BAZ2B: variants seen among roughly 807,000 people sequenced by gnomAD.
BAZ2B encodes bromodomain adjacent to zinc finger domain 2B, also known as bromodomain adjacent to zinc finger domain protein 2B.
Under a neutral mutation model 246.0 loss-of-function variants are expected in BAZ2B, and 91 were observed. The observed-to-expected ratio is 0.37, with a 90% confidence interval of 0.31 to 0.44. The LOEUF is 0.44. Among genes scored for constraint, BAZ2B ranks in the 20% least tolerant of loss-of-function variants. The probability of loss-of-function intolerance (pLI) is 1.00; values close to 1 mark genes in which losing one functional copy is unlikely to be tolerated. For synonymous variants in BAZ2B, 855 were observed against 860.0 expected (o/e 0.99, Z 0.10); for missense variants, 2,332 against 2,533.7 (o/e 0.92, Z 1.71).
intron 13 of BAZ2B, among the ~76,000 whole-genome samples, chr2:159,423,412 C>T (rs114439870): frequency 0.019 from 2,871 of 152,250 alleles, 45 homozygotes; most frequent in Middle Eastern, 0.071. Flanking sequence ...TTATACACTG[C>T]TAGTAGGAAT....
At chr2:159,568,638 T>TTGCCTGGATTGACAG (rs1310689714) in intron 1 of BAZ2B, among the ~76,000 whole-genome samples, 20 of 152,286 alleles carry the variant, frequency 1.3e-4, no homozygotes, top group African/African-American at 4.6e-4. Flanking sequence ...GCTAAGATGG[T>TTGCCTGGATTGACAG]TGCCTGGATT....
chr2:159,404,363 C>T (rs2065565382), intron 16 of BAZ2B: 2 of 147,164 alleles, frequency 1.4e-5, no homozygotes, highest in South Asian at 2.2e-4. Flanking sequence ...TAAAATAATG[C>T]TGTCATCATT....
chr2:159,316,049 G>A (rs139165285), downstream of BAZ2B, among the ~76,000 whole-genome samples: 154 of 152,126 alleles, frequency 1.0e-3, 1 homozygote, highest in African/African-American at 3.5e-3. Context: ...GTGTACATAC[G>A]TATTTTTCAT....
rs115339292 is a variant in BAZ2B, at chr2:159,450,017, T to G, written c.335-1608A>C. Among the ~76,000 whole-genome samples, 629 of 152,112 alleles carry G rather than the reference T, an allele frequency of 4.1e-3. 5 individuals are homozygous for G. The highest frequency in any genetic ancestry group is 0.014 in the African/African-American group (601 of 41,516). ...AGAGACCCTGTTGCTATAAAAAATT[T>G]TAAAAAGCAGGGAGGGACTGAGGTT... On this transcript the variant is annotated intron_variant, in intron 4 of 36. Transcript: ENST00000392783.
chr2:159,469,888 T>C (rs1446892947), intron 3 of BAZ2B, among the ~76,000 whole-genome samples: 1 of 152,206 alleles, frequency 6.6e-6, no homozygotes, highest in Non-Finnish European at 1.5e-5. Flanking sequence ...AATATCATTA[T>C]ATATTCTTTG....
chr2:159,580,255 A>G (rs1686415320), intron 1 of BAZ2B, among the ~76,000 whole-genome samples: 2 of 152,232 alleles, frequency 1.3e-5, no homozygotes, highest in African/African-American at 4.8e-5. Flanking sequence ...AAAAATCACA[A>G]GCATTCCTAT....
Position 159,433,000 on chromosome 2 carries a change from G to C in BAZ2B, c.1657C>G (p.Pro553Ala), listed in dbSNP as rs765853396. ...CTATGCAGGATGGGAGAGGCAGAGG[G>C]CATTACAGGTGTCTGATTGCCAGGG... Reference protein sequence around the residue: ...RTPGNQTPVMPSASPILHSQG... With the variant: ...RTPGNQTPVMASASPILHSQG... The change falls in exon 9 of 37, where the codon CCC (proline) becomes GCC (alanine). Residue 553 changes from proline to alanine, a missense_variant. This residue lies in a region of BAZ2B where 651 missense variants were observed against 650.9 expected (regional missense o/e 1.00). Coordinates refer to ENST00000392783, the MANE Select transcript of BAZ2B (RefSeq NM_013450.4). The C allele has an allele frequency of 1.2e-6, 2 of 1,614,038 alleles. No individual in the cohort carries two copies. Among genetic ancestry groups the C allele is most frequent in the African/African-American group, 2.7e-5 (2 of 74,918 alleles).
chr2:159,327,975 GAATCACTT>G (rs1171964461), intron 34 of BAZ2B, among the ~76,000 whole-genome samples: 1 of 143,372 alleles, frequency 7.0e-6, no homozygotes, highest in Non-Finnish European at 1.5e-5. Context: ...TGAGGCACAA[GAATCACTT>G]GAACCTAGGA....
In BAZ2B at chr2:159,348,853, T is replaced by C. The variant is rs776333914; in HGVS notation, c.5138-20A>G. ...GCATTTCTAAGTCAAGATAAATAAG[T>C]AGAACTTTTACAAATATTTTGAATA... is the stretch of plus-strand genomic sequence containing the variant. On this transcript the variant is annotated intron_variant, in intron 29 of 36. Coordinates refer to ENST00000392783, the MANE Select transcript of BAZ2B (RefSeq NM_013450.4). 2 of 1,578,776 alleles carry C rather than the reference T, an allele frequency of 1.3e-6. No individual in the cohort carries two copies. The highest frequency in any genetic ancestry group is 1.7e-6 in the Non-Finnish European group (2 of 1,169,924).
intron 13 of BAZ2B, among the ~76,000 whole-genome samples, chr2:159,414,140 G>A (rs779924772): frequency 7.2e-5 from 11 of 152,314 alleles, no homozygotes; most frequent in African/African-American, 2.4e-4. Flanking sequence ...AGAATATCAC[G>A]TTAAGTGAAA....
intron 2 of BAZ2B, among the ~76,000 whole-genome samples, chr2:159,493,423 T>C (rs964464404): frequency 2.0e-5 from 3 of 152,230 alleles, no homozygotes; most frequent in African/African-American, 4.8e-5. Context: ...TCATACTGAG[T>C]AACTCGACTA....
intron 25 of BAZ2B, 138 bp from the exon 26 acceptor site, chr2:159,374,891 G>T: frequency 2.9e-6 from 2 of 686,608 alleles, no homozygotes; most frequent in South Asian, 3.9e-5. Flanking sequence ...TAATAATCTG[G>T]TAGAGAGATA....
chr2:159,405,278 C>T (rs568221586), intron 14 of BAZ2B, among the ~76,000 whole-genome samples, 164 bp from the exon 15 acceptor site: 14 of 152,104 alleles, frequency 9.2e-5, no homozygotes, highest in African/African-American at 3.4e-4. Context: ...GTGGTGCGAT[C>T]GCGGCTCACT....
intron 1 of BAZ2B, among the ~76,000 whole-genome samples, chr2:159,561,466 T>C (rs1313362780): frequency 6.6e-6 from 1 of 152,230 alleles, no homozygotes; most frequent in African/African-American, 2.4e-5. Context: ...CTCTTTTCTT[T>C]ATAAACTACA....
At chr2:159,708,332 A>G in the BAZ2B span, among the ~76,000 whole-genome samples, 1 of 152,152 alleles carries the variant, frequency 6.6e-6, no homozygotes, top group Admixed American at 6.5e-5. Context: ...GCTTTTCTTA[A>G]GCATTCTATA....
intron 34 of BAZ2B, among the ~76,000 whole-genome samples, chr2:159,330,333 C>T (rs1174361545): frequency 2.6e-5 from 4 of 151,946 alleles, no homozygotes; most frequent in South Asian, 4.1e-4. Context: ...GGGGAGAAAT[C>T]GATGAAGATT....
chr2:159,618,580 T>C (rs1177238834), upstream of BAZ2B, among the ~76,000 whole-genome samples: 1 of 152,130 alleles, frequency 6.6e-6, no homozygotes, highest in African/African-American at 2.4e-5. Flanking sequence ...GTTAATGCAT[T>C]GTTCTATAAT....
intron 1 of BAZ2B, among the ~76,000 whole-genome samples, chr2:159,583,041 T>TA (rs1407620328): frequency 4.0e-5 from 6 of 150,918 alleles, no homozygotes; most frequent in African/African-American, 1.2e-4. Flanking sequence ...TACATATAAG[T>TA]AAAAAAAATT....
At chr2:159,575,231 G>T (rs1044757461) in intron 1 of BAZ2B, among the ~76,000 whole-genome samples, 1 of 152,022 alleles carries the variant, frequency 6.6e-6, no homozygotes, top group African/African-American at 2.4e-5. Flanking sequence ...TCTATGCTCA[G>T]GACCCTTTTG....
Sources: gnomAD v4.1 joint callset for allele counts (sites outside exome capture counted in the v4.1 genomes callset) on GRCh38, gnomAD v4.1.1 for gene constraint, gnomAD v4.1.1 regional missense constraint, MANE v1.5 for transcripts, NCBI Gene and HGNC (gene_info 2026-07-23, HGNC 2026-07-21) for gene names.